MICAL3: variants seen among roughly 807,000 people sequenced by gnomAD.
The protein encoded by MICAL3 is [F-actin]-monooxygenase MICAL3.
A neutral mutation model predicts 207.4 loss-of-function variants in MICAL3; 62 were observed. That is an observed-to-expected ratio of 0.30 (90% CI 0.24 to 0.37). The LOEUF (loss-of-function observed/expected upper bound fraction) is 0.37. Ranked by LOEUF, MICAL3 falls within the 10% of genes least tolerant of loss-of-function variation. The pLI, the probability that MICAL3 is intolerant of heterozygous loss-of-function variation, is 1.00. For synonymous variants in MICAL3, 1,077 were observed against 1,069.3 expected, an observed-to-expected ratio of 1.01 and a Z score of -0.14; for missense variants, 2,368 against 2,635.6, an observed-to-expected ratio of 0.90 and a Z score of 2.22.
intron 1 of MICAL3, among the ~76,000 whole-genome samples, chr22:18,017,985 C>G (rs1368713176): frequency 6.6e-6 from 1 of 151,750 alleles, no homozygotes; most frequent in African/African-American, 2.4e-5. Flanking sequence ...CTCCTGACCT[C>G]GTGATCCACC....
chr22:17,995,660 C>A (rs1185653009), intron 1 of MICAL3, among the ~76,000 whole-genome samples: 1 of 151,750 alleles, frequency 6.6e-6, no homozygotes, highest in Non-Finnish European at 1.5e-5. Context: ...TGTGCAACAC[C>A]CACACCTGGC....
chr22:17,961,032 C>T (rs1180137286), intron 1 of MICAL3, among the ~76,000 whole-genome samples: 1 of 152,072 alleles, frequency 6.6e-6, no homozygotes, highest in African/African-American at 2.4e-5. Flanking sequence ...AATGACATCG[C>T]TACCGTGTGT....
intron 29 of MICAL3, chr22:17,803,588 A>G (rs2061961199): frequency 6.5e-6 from 1 of 152,744 alleles, no homozygotes; most frequent in Non-Finnish European, 1.5e-5. Flanking sequence ...AAAATTAAAA[A>G]CGACCCCAGG....
rs778225688 is a variant in MICAL3 at position 17,817,686 on chromosome 22, C to T, written c.4975G>A (p.Glu1659Lys). The change falls in exon 26 of 32, where the codon GAG (glutamate) becomes AAG (lysine). Residue 1659 changes from glutamate to lysine, a missense_variant. Physicochemically the swap from Glu to Lys is moderately conservative, Grantham distance 56. Transcript: ENST00000441493. ...GCTTCATGCTTCAGGGTGGGCTCCT[C>T]GGAGCCCCTGAGAGTGGGGCGTGTG... The part of the protein sequence containing the change: ...SPTRPTLRGS[E>K]EPTLKHEATS... The T allele has an allele frequency of 2.1e-5, 33 of 1,607,040 alleles. No homozygotes were observed. The highest frequency in any genetic ancestry group is 1.2e-4 in the Admixed American group (7 of 59,472).
intron 1 of MICAL3, among the ~76,000 whole-genome samples, chr22:17,996,376 G>A (rs1219653326): frequency 7.3e-5 from 11 of 151,584 alleles, no homozygotes; most frequent in South Asian, 2.1e-4. Flanking sequence ...CCCGGGAGGC[G>A]GAGCTTGCAG....
intron 1 of MICAL3, among the ~76,000 whole-genome samples, chr22:17,919,287 T>C (rs373141006): frequency 1.3e-5 from 2 of 152,220 alleles, no homozygotes; most frequent in African/African-American, 2.4e-5. Flanking sequence ...CTTGAACTCC[T>C]GGGCTTCAAG....
intron 25 of MICAL3, among the ~76,000 whole-genome samples, chr22:17,819,974 A>T (rs1177805311): frequency 6.9e-6 from 1 of 145,290 alleles, no homozygotes; most frequent in African/African-American, 2.6e-5. Flanking sequence ...AAAAAAATCC[A>T]ATCAGTGAAC....
At chr22:17,951,296 T>C (rs1306867745) in intron 1 of MICAL3, among the ~76,000 whole-genome samples, 1 of 152,150 alleles carries the variant, frequency 6.6e-6, no homozygotes, top group African/African-American at 2.4e-5. Flanking sequence ...CGTCATTCAG[T>C]GAGCCACACA....
chr22:17,858,332 C>T (rs1206902155), intron 19 of MICAL3: 1 of 311,062 alleles, frequency 3.2e-6, no homozygotes, highest in South Asian at 1.3e-4. Context: ...GCCTCACCAC[C>T]CCTTGTTTCA....
At chr22:17,994,283 G>A (rs1056220903) in intron 1 of MICAL3, among the ~76,000 whole-genome samples, 2 of 152,202 alleles carry the variant, frequency 1.3e-5, no homozygotes, top group Admixed American at 6.5e-5. Flanking sequence ...CCACGCTAAA[G>A]GGTAGCTGCC....
At chr22:17,834,453 C>T in intron 20 of MICAL3, 1 of 1,284,382 alleles carries the variant, frequency 7.8e-7, no homozygotes, top group Non-Finnish European at 1.0e-6. Flanking sequence ...CAGTAGCTCA[C>T]ATCTGTGATC....
At chr22:17,954,129 C>T (rs1440454629) in intron 1 of MICAL3, among the ~76,000 whole-genome samples, 2 of 151,970 alleles carry the variant, frequency 1.3e-5, no homozygotes, top group East Asian at 3.9e-4. Flanking sequence ...ATAGAGGTTC[C>T]ACGAGTATAG....
Position 17,808,843 on chromosome 22 carries a change from C to A in MICAL3, c.5650+1G>T. 1 of 1,552,104 alleles carries A rather than the reference C, an allele frequency of 6.4e-7. No homozygotes were observed. Among genetic ancestry groups the A allele is most frequent in the Non-Finnish European group, 8.7e-7 (1 of 1,147,496 alleles). On this transcript the variant is annotated splice_donor_variant, in intron 29 of 31. Coordinates refer to ENST00000441493, the MANE Select transcript of MICAL3 (RefSeq NM_015241.3). LOFTEE classifies it high-confidence loss of function. ...GAGCTTAGGAGGGAGCCCGGCAGTA[C>A]CTGCTTCGCCCCGGAGCGCCTTCTC...
At chr22:17,863,156 T>A (rs1926698644) in intron 19 of MICAL3, 5 of 985,376 alleles carry the variant, frequency 5.1e-6, no homozygotes, top group Non-Finnish European at 6.0e-6. Flanking sequence ...ATGGCAAGAA[T>A]GGCAACCTCG....
Position 17,818,871 on chromosome 22 carries a change from G to A in MICAL3, c.3790C>T (p.Pro1264Ser). 6.5e-7 allele frequency: 1 copy of A among 1,548,486 alleles called. No homozygotes were observed. The highest frequency in any genetic ancestry group is 8.7e-7 in the Non-Finnish European group (1 of 1,145,368). Residue 1264 changes from proline (P) to serine (S), a missense_variant, in exon 26 of 32, where the codon CCC (proline) becomes TCC (serine). Physicochemically the swap from Pro to Ser is moderately conservative, Grantham distance 74 (BLOSUM62 -1). Coordinates refer to ENST00000441493, the MANE Select transcript of MICAL3 (RefSeq NM_015241.3). ...PPSPLPICSQPQPSTEATVPS... is the reference protein window; with the variant it reads ...PPSPLPICSQSQPSTEATVPS... ...ACAGTGGCCTCGGTGGAAGGCTGGGGCTGGGAGCAGATGGGGAGTGGGCTG... is the reference window on the plus strand; with the variant it reads ...ACAGTGGCCTCGGTGGAAGGCTGGGACTGGGAGCAGATGGGGAGTGGGCTG...
chr22:18,022,681 G>A (rs1373304614), intron 1 of MICAL3, among the ~76,000 whole-genome samples: 1 of 152,062 alleles, frequency 6.6e-6, no homozygotes, highest in Non-Finnish European at 1.5e-5. Flanking sequence ...TGCCTACCTC[G>A]GGCTCCCAAA....
intron 1 of MICAL3, among the ~76,000 whole-genome samples, chr22:17,921,740 C>T (rs1297032394): frequency 1.3e-5 from 2 of 152,134 alleles, no homozygotes; most frequent in Non-Finnish European, 2.9e-5. Flanking sequence ...CCACCCACCT[C>T]GGCTTCCCAA....
At chr22:17,889,309 T>A in intron 12 of MICAL3, 79 bp from the exon 13 acceptor site, 1 of 1,075,074 alleles carries the variant, frequency 9.3e-7, no homozygotes, top group Non-Finnish European at 1.4e-6. Context: ...GGAGTCATCG[T>A]CCTTTCTCTG....
intron 1 of MICAL3, among the ~76,000 whole-genome samples, chr22:17,953,687 T>C (rs913875354): frequency 6.6e-6 from 1 of 151,932 alleles, no homozygotes; most frequent in Non-Finnish European, 1.5e-5. Context: ...TCCCAGCATT[T>C]TGGGAGGCCT....
Sources: allele counts gnomAD v4.1 joint callset (sites outside exome capture counted in the v4.1 genomes callset), GRCh38; gene constraint gnomAD v4.1.1; transcripts MANE v1.5; gene names NCBI Gene and HGNC (gene_info 2026-07-23, HGNC 2026-07-21).